The following CLDN14 variants were observed in gnomAD, a reference collection of about 807,000 sequenced individuals.
The protein encoded by CLDN14 is claudin-14.
Under a neutral mutation model 2.1 loss-of-function variants are expected in CLDN14, and 2 were observed. The ratio of observed to expected loss-of-function variants is 0.96; its 90% CI spans 0.39 to 3.01. The LOEUF (loss-of-function observed/expected upper bound fraction) is 3.01, where lower values mean the gene tolerates loss of function less well. Ranked by LOEUF, CLDN14 falls within the 30% of genes most tolerant of loss-of-function variation. The pLI, the probability that CLDN14 is intolerant of heterozygous loss-of-function variation, is 0.09. For synonymous variants in CLDN14, 136 were observed against 154.4 expected (o/e 0.88, Z 0.88); for missense variants, 298 against 328.0 (o/e 0.91, Z 0.71).
At chr21:36,506,734 T>C (rs1321219035) in intron 2 of CLDN14, among the ~76,000 whole-genome samples, 1 of 152,164 alleles carries the variant, frequency 6.6e-6, no homozygotes, top group Non-Finnish European at 1.5e-5. Flanking sequence ...ACTTTCATTT[T>C]TAACTTCACA....
At chr21:36,481,873 G>A (rs56083599), upstream of CLDN14, among the ~76,000 whole-genome samples, 5,686 of 152,292 alleles carry the variant, frequency 0.037, 131 homozygotes, top group Non-Finnish European at 0.053. Flanking sequence ...ACTCCAGCAC[G>A]TATGAGTAGC....
At chr21:36,488,866 C>T (rs1005687631) in intron 2 of CLDN14, among the ~76,000 whole-genome samples, 10 of 151,924 alleles carry the variant, frequency 6.6e-5, no homozygotes, top group Non-Finnish European at 5.9e-5. Context: ...CAGTGGCTCA[C>T]GCCTCTAATC....
chr21:36,516,933 C>T lies in CLDN14; in HGVS notation c.-219-6433G>A, dbSNP rs547688202. On this transcript the variant is annotated intron_variant, in intron 1 of 2. Coordinates refer to the CLDN14 transcript ENST00000342108. Reference sequence around the variant, plus strand: ...TCAGCTCACCGCAACCTCCGCTTCCCGGGTTCAAGCGATTCTCCTGCCTCG... The same window carrying T: ...TCAGCTCACCGCAACCTCCGCTTCCTGGGTTCAAGCGATTCTCCTGCCTCG... Among the ~76,000 whole-genome samples the T allele has an allele frequency of 3.2e-4, 48 of 152,324 alleles. No individual in the cohort carries two copies. The South Asian group carries it at 8.5e-3, about 27-fold the overall frequency.
chr21:36,500,828 A>T (rs1486244553), intron 2 of CLDN14, among the ~76,000 whole-genome samples: 1 of 152,216 alleles, frequency 6.6e-6, no homozygotes, highest in East Asian at 1.9e-4. Flanking sequence ...ATTCTTTCTC[A>T]TGTTTACTTT....
At chr21:36,473,289 G>T (rs1011592279) in intron 1 of CLDN14, among the ~76,000 whole-genome samples, 1 of 152,162 alleles carries the variant, frequency 6.6e-6, no homozygotes, top group Non-Finnish European at 1.5e-5. Flanking sequence ...GTCCCACTAT[G>T]TTGCCCAGCC....
chr21:36,524,374 G>C (rs536753227), intron 1 of CLDN14, among the ~76,000 whole-genome samples: 1 of 152,302 alleles, frequency 6.6e-6, no homozygotes, highest in Non-Finnish European at 1.5e-5. Context: ...CTCCTGTCTT[G>C]GACTCCCAAA....
chr21:36,521,825 T>G (rs930812727), intron 1 of CLDN14, among the ~76,000 whole-genome samples: 1 of 152,162 alleles, frequency 6.6e-6, no homozygotes, highest in African/African-American at 2.4e-5. Flanking sequence ...CAGGAATGCA[T>G]CTATCCTTCC....
intron 2 of CLDN14, among the ~76,000 whole-genome samples, chr21:36,494,568 G>A (rs2086997798): frequency 6.6e-6 from 1 of 152,204 alleles, no homozygotes. Context: ...GCTGTACTTG[G>A]AGATGGAGTG....
intron 1 of CLDN14, among the ~76,000 whole-genome samples, chr21:36,557,988 T>C (rs1601636365): frequency 6.6e-6 from 1 of 152,344 alleles, no homozygotes; most frequent in South Asian, 2.1e-4. Flanking sequence ...TTTCATTCTT[T>C]TGCTTGTGGA....
intron 1 of CLDN14, among the ~76,000 whole-genome samples, chr21:36,537,044 G>A (rs9653721): frequency 0.48 from 72,547 of 151,946 alleles, 19,411 homozygotes; most frequent in Middle Eastern, 0.62. Context: ...TACAAAATTA[G>A]CTGGGTGTGG....
chr21:36,500,537 T>G lies in CLDN14; in HGVS notation c.-82+9826A>C, dbSNP rs575081143. On this transcript the variant is annotated intron_variant, in intron 2 of 2. Coordinates refer to the CLDN14 transcript ENST00000342108. ...ACCTCCACCTCCTGGGTTCAAGCAA[T>G]TCTCCTGCTTCAACCTCCCTAGTAG... Among the ~76,000 whole-genome samples the G allele has an allele frequency of 2.0e-5, 3 of 152,320 alleles. No individual in the cohort carries two copies. The South Asian group carries it at 6.2e-4, about 32-fold the overall frequency.
chr21:36,461,274 T>C lies in CLDN14; in HGVS notation c.422A>G (p.Asn141Ser). 7.4e-6 allele frequency: 12 copies of C among 1,613,852 alleles called. No homozygotes were observed. Among genetic ancestry groups the C allele is most frequent in the Non-Finnish European group, 1.0e-5 (12 of 1,180,004 alleles). Residue 141 changes from asparagine (N) to serine (S), a missense_variant, in exon 2 of 2, where the codon AAC becomes AGC. Asn to Ser is a conservative substitution (Grantham distance 46). Coordinates refer to ENST00000399135, the MANE Select transcript of CLDN14 (RefSeq NM_001146079.2). Reference protein sequence around the residue: ...LCMVAVSWTTNDVVQNFYNPL... With the variant: ...LCMVAVSWTTSDVVQNFYNPL... ...GTTGTAGAAGTTCTGCACCACGTCG[T>C]TGGTGGTCCAGGAGACGGCCACCAT...
intron 1 of CLDN14, among the ~76,000 whole-genome samples, chr21:36,472,397 A>C (rs1297984205): frequency 6.6e-6 from 1 of 152,188 alleles, no homozygotes; most frequent in Non-Finnish European, 1.5e-5. Context: ...TGAGAGCTTG[A>C]AGAGGGTTGG....
At chr21:36,548,310 C>T (rs1308850175) in intron 1 of CLDN14, among the ~76,000 whole-genome samples, 5 of 152,170 alleles carry the variant, frequency 3.3e-5, no homozygotes, top group African/African-American at 7.2e-5. Context: ...GCCAATCTCC[C>T]GGCTGGGCCA....
chr21:36,538,705 T>C (rs538982501), intron 1 of CLDN14, among the ~76,000 whole-genome samples: 1 of 152,172 alleles, frequency 6.6e-6, no homozygotes, highest in Admixed American at 6.5e-5. Context: ...GAGAAGCCCA[T>C]GTATGAGAAT....
intron 1 of CLDN14, among the ~76,000 whole-genome samples, chr21:36,543,414 G>C (rs956463740): frequency 2.0e-5 from 3 of 152,198 alleles, no homozygotes; most frequent in Non-Finnish European, 4.4e-5. Flanking sequence ...TAAGAGCAAC[G>C]ACCAGGGAGA....
chr21:36,550,770 G>A (rs417191), intron 1 of CLDN14, among the ~76,000 whole-genome samples: 111,994 of 151,718 alleles, frequency 0.74, 42,718 homozygotes, highest in Non-Finnish European at 0.85. Flanking sequence ...TCTAATGCCG[G>A]CAACAGTCAC....
chr21:36,508,254 T>C (rs2087151462), intron 2 of CLDN14, among the ~76,000 whole-genome samples: 1 of 152,158 alleles, frequency 6.6e-6, no homozygotes, highest in South Asian at 2.1e-4. Flanking sequence ...GGTGTTTGAG[T>C]GATTGTTCTA....
intron 2 of CLDN14, among the ~76,000 whole-genome samples, chr21:36,494,093 C>T (rs1786087454): frequency 6.6e-6 from 1 of 152,178 alleles, no homozygotes; most frequent in African/African-American, 2.4e-5. Context: ...GCAAAGAGCC[C>T]ACCCGTGCTG....
Sources: allele counts gnomAD v4.1 joint callset (sites outside exome capture counted in the v4.1 genomes callset), GRCh38; gene constraint gnomAD v4.1.1; transcripts MANE v1.5; gene names NCBI Gene and HGNC (gene_info 2026-07-23, HGNC 2026-07-21).